Variants in ASXL3 observed in about 807,000 individuals in gnomAD.
ASXL3 encodes putative Polycomb group protein ASXL3.
A neutral mutation model predicts 170.6 loss-of-function variants in ASXL3; 34 were observed. The ratio of observed to expected loss-of-function variants is 0.20; its 90% confidence interval spans 0.15 to 0.27. The LOEUF (loss-of-function observed/expected upper bound fraction) is 0.27, where lower values mean the gene tolerates loss of function less well. Ranked by LOEUF, ASXL3 falls within the 10% of genes least tolerant of loss-of-function variation. ASXL3 has a pLI of 1.00. For synonymous variants in ASXL3, 1,002 were observed against 989.1 expected (o/e 1.01, Z -0.24); for missense variants, 2,592 against 2,695.3 (o/e 0.96, Z 0.85).
At chr18:33,729,876 G>A (rs2067414556) in intron 8 of ASXL3, among the ~76,000 whole-genome samples, 1 of 152,084 alleles carries the variant, frequency 6.6e-6, no homozygotes, top group South Asian at 2.1e-4. Flanking sequence ...AACACCAAGA[G>A]ATGTCCCAGG....
At chr18:33,593,525 T>A (rs1304782023) in intron 1 of ASXL3, among the ~76,000 whole-genome samples, 1 of 152,092 alleles carries the variant, frequency 6.6e-6, no homozygotes, top group Non-Finnish European at 1.5e-5. Flanking sequence ...AAAACTGGTC[T>A]TGAAAGCCCG....
chr18:33,703,518 C>G (rs535946436), intron 8 of ASXL3, among the ~76,000 whole-genome samples: 1 of 152,158 alleles, frequency 6.6e-6, no homozygotes, highest in South Asian at 2.1e-4. Flanking sequence ...AGCCCTTGAC[C>G]TCTTGGTTGT....
At chr18:33,654,202 C>T (rs760043768) in intron 4 of ASXL3, among the ~76,000 whole-genome samples, 33 of 151,978 alleles carry the variant, frequency 2.2e-4, no homozygotes, top group East Asian at 1.9e-4. Flanking sequence ...AATATGATCT[C>T]ATAAAACTAA....
At chr18:33,612,529 G>T (rs546356003) in intron 2 of ASXL3, among the ~76,000 whole-genome samples, 1 of 152,014 alleles carries the variant, frequency 6.6e-6, no homozygotes, top group East Asian at 1.9e-4. Context: ...GATAACTCTG[G>T]AATTTATTTT....
chr18:33,746,796 CTT>C lies in ASXL3; in HGVS notation c.*204_*205del. On this transcript the variant is annotated 3_prime_UTR_variant, in exon 12 of 12. Transcript: ENST00000269197. ...CCAACTGAATGGCTCACTGGCATGT[CTT>C]TTATGTGTTCAGTTGCCATTCCTAG... 1 of 797,296 alleles carries C rather than the reference CTT, an allele frequency of 1.3e-6. No individual in the cohort carries two copies. The highest frequency in any genetic ancestry group is 3.5e-5 in the Admixed American group (1 of 28,832). 49.4% of individuals were successfully genotyped at this position (797,296 alleles called of 1,614,324 possible).
intron 9 of ASXL3, among the ~76,000 whole-genome samples, chr18:33,733,872 C>A (rs2067495545): frequency 6.6e-6 from 1 of 152,092 alleles, no homozygotes; most frequent in African/African-American, 2.4e-5. Flanking sequence ...CCTTAATCGA[C>A]CTAGGCAGAA....
intron 1 of ASXL3, among the ~76,000 whole-genome samples, chr18:33,602,027 C>T (rs1236358271): frequency 2.6e-5 from 4 of 151,668 alleles, no homozygotes; most frequent in Non-Finnish European, 5.9e-5. Context: ...GTCTCGAACT[C>T]CTGGGCTCAA....
chr18:33,655,869 A>G (rs1395223678), intron 4 of ASXL3, among the ~76,000 whole-genome samples: 2 of 152,098 alleles, frequency 1.3e-5, no homozygotes, highest in Non-Finnish European at 2.9e-5. Context: ...ATCTTTCAAA[A>G]CAAATTTATT....
intron 7 of ASXL3, among the ~76,000 whole-genome samples, chr18:33,677,769 C>A (rs536543118): frequency 4.6e-5 from 7 of 152,280 alleles, no homozygotes; most frequent in East Asian, 1.9e-4. Flanking sequence ...TACACAATTT[C>A]TTCATTTGTG....
chr18:33,717,003 G>C (rs2067175977), intron 8 of ASXL3, among the ~76,000 whole-genome samples: 1 of 151,940 alleles, frequency 6.6e-6, no homozygotes, highest in Non-Finnish European at 1.5e-5. Flanking sequence ...TCATCTCACA[G>C]TGTCTCTTCT....
At chr18:33,614,882 G>A (rs2065398803) in intron 2 of ASXL3, 1 of 151,274 alleles carries the variant, frequency 6.6e-6, no homozygotes, top group South Asian at 2.1e-4. Context: ...AGTAAACCAT[G>A]TTGCAAACAG....
intron 1 of ASXL3, among the ~76,000 whole-genome samples, chr18:33,604,361 T>C (rs2065220953): frequency 6.6e-6 from 1 of 152,060 alleles, no homozygotes; most frequent in Non-Finnish European, 1.5e-5. Context: ...TATTACAGGT[T>C]ACAAAATAAA....
At chr18:33,680,930 A>G (rs1226216499) in intron 7 of ASXL3, among the ~76,000 whole-genome samples, 1 of 151,876 alleles carries the variant, frequency 6.6e-6, no homozygotes, top group Non-Finnish European at 1.5e-5. Flanking sequence ...AAATCCAGTT[A>G]CCTTTATTGT....
intron 1 of ASXL3, among the ~76,000 whole-genome samples, chr18:33,585,593 C>G (rs773038041): frequency 6.6e-6 from 1 of 152,182 alleles, no homozygotes; most frequent in African/African-American, 2.4e-5. Context: ...GGTTGATTGA[C>G]ATATAGCCCT....
chr18:33,706,002 T>G (rs1298630708), intron 8 of ASXL3, among the ~76,000 whole-genome samples: 2 of 151,938 alleles, frequency 1.3e-5, no homozygotes, highest in African/African-American at 4.8e-5. Context: ...TCATTCAGTA[T>G]GTACTCTGTT....
chr18:33,713,244 TTTTG>T (rs2067103803), intron 8 of ASXL3, among the ~76,000 whole-genome samples: 1 of 67,048 alleles, frequency 1.5e-5, no homozygotes, highest in African/African-American at 8.1e-5. Context: ...TTTTGTTTTG[TTTTG>T]TTTTTTTTTT....
In ASXL3 at chr18:33,748,486, T is replaced by A. The variant is rs1568372645; in HGVS notation, c.*1891T>A. On this transcript the variant is annotated 3_prime_UTR_variant, in exon 12 of 12. Coordinates refer to ENST00000269197, the MANE Select transcript of ASXL3 (RefSeq NM_030632.3). Reference sequence around the variant, plus strand: ...GTGCTTCAGTACTGTCATTTCTGTTTTTCACAGTAAAATTGGCAAAACTAA... The same window carrying A: ...GTGCTTCAGTACTGTCATTTCTGTTATTCACAGTAAAATTGGCAAAACTAA... The A allele has an allele frequency of 6.6e-6, 1 of 152,182 alleles. No homozygotes were observed. The highest frequency in any genetic ancestry group is 2.1e-4 in the South Asian group (1 of 4,828). The allele number at this position is 152,182 out of a possible 1,614,324, so 9.4% of individuals were successfully genotyped here.
At chr18:33,663,286 A>G (rs904489118) in intron 5 of ASXL3, among the ~76,000 whole-genome samples, 3 of 152,180 alleles carry the variant, frequency 2.0e-5, no homozygotes, top group African/African-American at 7.2e-5. Flanking sequence ...AAGAAACATA[A>G]ATGGGATCAT....
intron 7 of ASXL3, among the ~76,000 whole-genome samples, chr18:33,677,104 G>A (rs866541844): frequency 1.3e-5 from 2 of 152,150 alleles, no homozygotes; most frequent in East Asian, 1.9e-4. Context: ...GGATGTCTCC[G>A]AGGGGGTTTT....
Sources: gnomAD v4.1 joint callset for allele counts (sites outside exome capture counted in the v4.1 genomes callset) on GRCh38, gnomAD v4.1.1 for gene constraint, MANE v1.5 for transcripts, NCBI Gene and HGNC (gene_info 2026-07-23, HGNC 2026-07-21) for gene names.